Variants in STOX2 observed in about 807,000 individuals in gnomAD.
STOX2 encodes the protein storkhead-box protein 2.
In STOX2, 28 loss-of-function variants were observed where a neutral mutation model predicts 60.9. The observed-to-expected ratio is 0.46, with a 90% confidence interval of 0.34 to 0.63. The LOEUF (loss-of-function observed/expected upper bound fraction) is 0.63, where lower values mean the gene tolerates loss of function less well. Among genes scored for constraint, STOX2 ranks in the 30% least tolerant of loss-of-function variants. The probability of loss-of-function intolerance (pLI) is 0.01; values close to 1 mark genes in which losing one functional copy is unlikely to be tolerated. For missense variants in STOX2, 1,024 were observed against 1,187.7 expected (o/e 0.86, Z 2.03); for synonymous variants, 472 against 463.9 (o/e 1.02, Z -0.22).
intron 1 of STOX2, among the ~76,000 whole-genome samples, chr4:183,826,611 C>T (rs1344238278): frequency 5.3e-5 from 8 of 152,228 alleles, no homozygotes; most frequent in Middle Eastern, 3.2e-3. Flanking sequence ...AGTCCTGGGA[C>T]GGCTGCCTGC....
At chr4:184,008,464 T>C (rs1005398411) in intron 2 of STOX2, among the ~76,000 whole-genome samples, 1 of 152,188 alleles carries the variant, frequency 6.6e-6, no homozygotes, top group Admixed American at 6.5e-5. Flanking sequence ...TTATTAGGGC[T>C]CTTTGGTTAG....
chr4:183,868,365 G>C (rs115727596), intron 1 of STOX2, among the ~76,000 whole-genome samples: 2,754 of 152,208 alleles, frequency 0.018, 97 homozygotes, highest in African/African-American at 0.063. Flanking sequence ...GGTTGAGCCT[G>C]CAGTGAGCTA....
At chr4:183,934,056 C>T (rs73000634) in intron 1 of STOX2, among the ~76,000 whole-genome samples, 19,121 of 152,064 alleles carry the variant, frequency 0.13, 1,518 homozygotes, top group South Asian at 0.2. Context: ...GTGATCCTAG[C>T]ACTTTGGGAG....
At chr4:183,941,141 C>T (rs1742742753) in intron 1 of STOX2, among the ~76,000 whole-genome samples, 1 of 152,214 alleles carries the variant, frequency 6.6e-6, no homozygotes, top group African/African-American at 2.4e-5. Context: ...AAATCAGTTA[C>T]TCCTAAGATG....
chr4:183,989,179 T>C (rs57378332), intron 1 of STOX2, among the ~76,000 whole-genome samples: 2 of 60,090 alleles, frequency 3.3e-5, no homozygotes, highest in East Asian at 4.8e-4. Flanking sequence ...GTTTTTTTTT[T>C]TTTTTTTTTT....
At chr4:183,814,499 G>A (rs1739105969) in intron 1 of STOX2, among the ~76,000 whole-genome samples, 2 of 152,224 alleles carry the variant, frequency 1.3e-5, no homozygotes, top group African/African-American at 4.8e-5. Flanking sequence ...CAGCCATGTT[G>A]AGTGATGGGA....
intron 1 of STOX2, among the ~76,000 whole-genome samples, chr4:183,824,117 A>G (rs925878468): frequency 1.3e-5 from 2 of 152,224 alleles, no homozygotes; most frequent in Non-Finnish European, 2.9e-5. Context: ...AGTTGTATAC[A>G]TACAATGGTT....
At chr4:183,989,390 C>T (rs528549923) in intron 1 of STOX2, among the ~76,000 whole-genome samples, 26 of 152,048 alleles carry the variant, frequency 1.7e-4, no homozygotes, top group African/African-American at 4.8e-4. Context: ...TTAGTAGGGA[C>T]GGGGTTTCTC....
At chr4:183,970,402 G>A (rs1743709376) in intron 1 of STOX2, among the ~76,000 whole-genome samples, 1 of 152,114 alleles carries the variant, frequency 6.6e-6, no homozygotes, top group South Asian at 2.1e-4. Context: ...TGTTTTCTCA[G>A]TTGGGTTGGG....
At chr4:183,864,417 T>C (rs898039716) in intron 1 of STOX2, among the ~76,000 whole-genome samples, 3 of 152,150 alleles carry the variant, frequency 2.0e-5, no homozygotes, top group African/African-American at 7.2e-5. Context: ...ATTTTTGAAA[T>C]GGGGTCTTAC....
In STOX2 at chr4:183,873,014, T is replaced by A. The variant is rs1340459239; in HGVS notation, c.364+74959T>A. On this transcript the variant is annotated intron_variant, in intron 1 of 2. Coordinates refer to the STOX2 transcript ENST00000513034. ...AGCTGTGAATGTTACTTCTCAGATT[T>A]TTAAAGTGTTACTTACTTTTTGGAA... 7.2e-5 allele frequency among the ~76,000 whole-genome samples: 11 copies of A among 152,206 alleles called. 1 individual carries two copies. Among genetic ancestry groups the A allele is most frequent in the Non-Finnish European group, 1.6e-4 (11 of 68,034 alleles).
chr4:183,906,801 C>A lies in STOX2; in HGVS notation c.11C>A (p.Thr4Asn). The change falls in exon 1 of 4, where the codon ACC (threonine) becomes AAC (asparagine). Residue 4 changes from threonine (T) to asparagine (N), a missense_variant. By Grantham distance (65) the Thr-to-Asn change is moderately conservative (BLOSUM62 0). This residue lies in a region of STOX2 where 98 missense variants were observed against 110.2 expected (regional missense o/e 0.89). Coordinates refer to ENST00000308497, the MANE Select transcript of STOX2 (RefSeq NM_020225.3). ...GTCGCCCTCCCCACCATGAAGAAGA[C>A]CCGGAGCACAACCTTGCGGCGAGCC... MKK[T>N]RSTTLRRAWP... 2 of 1,547,408 alleles carry A rather than the reference C, an allele frequency of 1.3e-6. No individual in the cohort carries two copies. Among genetic ancestry groups the A allele is most frequent in the Non-Finnish European group, 1.7e-6 (2 of 1,145,142 alleles).
At chr4:183,994,788 T>C (rs566422103) in intron 1 of STOX2, among the ~76,000 whole-genome samples, 97 of 152,322 alleles carry the variant, frequency 6.4e-4, no homozygotes, top group African/African-American at 2.3e-3. Flanking sequence ...CAGAACCACA[T>C]TCTTAAGTGG....
intron 1 of STOX2, among the ~76,000 whole-genome samples, chr4:183,951,401 G>C (rs555052573): frequency 6.8e-6 from 1 of 146,582 alleles, no homozygotes; most frequent in East Asian, 2.1e-4. Flanking sequence ...CCTGTTCATA[G>C]ATATTTTCAT....
At position 184,011,088 on chromosome 4, in the gene STOX2, G is replaced by C. The variant is rs202163788; in HGVS notation, c.2250G>C (p.Ala750=). 1 of 1,597,430 alleles carries C rather than the reference G, an allele frequency of 6.3e-7. No homozygotes were observed. ...TGGAACCGTCCCTGGGGACCTCGGCGGCACAAGCCATGCCTGCTTCCCAGC... is the reference window on the plus strand; with the variant it reads ...TGGAACCGTCCCTGGGGACCTCGGCCGCACAAGCCATGCCTGCTTCCCAGC... ...EKLEPSLGTS[A]AQAMPASQRQ... Residue 750 remains alanine, a synonymous_variant, in exon 3 of 4, where the codon GCG becomes GCC. Transcript: ENST00000308497. The surrounding 1 kb of genome is among the most constrained non-coding windows in gnomAD (Gnocchi z 4.4).
Position 183,992,947 on chromosome 4 carries a change from G to A in STOX2, c.167-8378G>A, listed in dbSNP as rs1229007547. Reference sequence around the variant, plus strand: ...GAGCCTTAGCAAAGGCGTTAATTACGAAATTAACCTGATTGGTCCCAGGGC... The same window carrying A: ...GAGCCTTAGCAAAGGCGTTAATTACAAAATTAACCTGATTGGTCCCAGGGC... On this transcript the variant is annotated intron_variant, in intron 1 of 3. Coordinates refer to ENST00000308497, the MANE Select transcript of STOX2 (RefSeq NM_020225.3). Among the ~76,000 whole-genome samples the A allele has an allele frequency of 2.0e-5, 3 of 152,336 alleles. 1 individual carries two copies. The highest frequency in any genetic ancestry group is 4.1e-4 in the South Asian group (2 of 4,832).
At chr4:183,932,000 G>A (rs2111116185) in intron 1 of STOX2, among the ~76,000 whole-genome samples, 1 of 152,268 alleles carries the variant, frequency 6.6e-6, no homozygotes, top group East Asian at 1.9e-4. Flanking sequence ...TCCAGGCCTG[G>A]GAAGGAGACA....
chr4:183,982,235 C>T (rs1476522242), intron 1 of STOX2, among the ~76,000 whole-genome samples: 4 of 152,212 alleles, frequency 2.6e-5, no homozygotes, highest in Non-Finnish European at 5.9e-5. Context: ...TGAGAATTGA[C>T]TTTTGAGAAT....
At chr4:183,834,000 A>G (rs1466103026) in intron 1 of STOX2, among the ~76,000 whole-genome samples, 1 of 151,602 alleles carries the variant, frequency 6.6e-6, no homozygotes, top group Admixed American at 6.6e-5. Flanking sequence ...AAAAAAAAAA[A>G]AGAATGTGAG....
Sources: gnomAD v4.1 joint callset for allele counts (sites outside exome capture counted in the v4.1 genomes callset) on GRCh38, gnomAD v4.1.1 for gene constraint, gnomAD v4.1.1 regional missense constraint, Gnocchi (gnomAD v3.1) non-coding constraint, MANE v1.5 for transcripts, NCBI Gene and HGNC (gene_info 2026-07-23, HGNC 2026-07-21) for gene names.